Variants in PHF20 observed in about 807,000 individuals in gnomAD.
The protein encoded by PHF20 is PHD finger protein 20.
A neutral mutation model predicts 113.5 loss-of-function variants in PHF20; 23 were observed. The observed-to-expected ratio is 0.20, with a 90% CI of 0.15 to 0.29. The LOEUF is 0.29. PHF20 is among the 10% of genes least tolerant of loss of function. The pLI is 1.00. For missense variants in PHF20, 943 were observed against 1,219.6 expected, an observed-to-expected ratio of 0.77 and a Z score of 3.38; for synonymous variants, 434 against 457.3, an observed-to-expected ratio of 0.95 and a Z score of 0.65.
chr20:35,792,676 C>T (rs1004701084), intron 1 of PHF20, among the ~76,000 whole-genome samples: 4 of 152,066 alleles, frequency 2.6e-5, no homozygotes, highest in Admixed American at 6.6e-5. Context: ...ACTAAAGATA[C>T]GCTCTTTATG....
intron 1 of PHF20, among the ~76,000 whole-genome samples, chr20:35,778,186 C>G (rs1187454988): frequency 6.6e-6 from 1 of 152,064 alleles, no homozygotes; most frequent in African/African-American, 2.4e-5. Flanking sequence ...TGAATTCAAG[C>G]GATTCTTGTG....
chr20:35,846,148 T>A (rs576905132), intron 3 of PHF20, among the ~76,000 whole-genome samples: 1 of 152,268 alleles, frequency 6.6e-6, no homozygotes, highest in East Asian at 1.9e-4. Flanking sequence ...TATTCAGTAT[T>A]GTTCCATTTG....
At chr20:35,846,049 G>A (rs1346987283) in intron 3 of PHF20, among the ~76,000 whole-genome samples, 7 of 152,124 alleles carry the variant, frequency 4.6e-5, no homozygotes, top group Non-Finnish European at 7.4e-5. Flanking sequence ...ACAGGCACGA[G>A]CCACTGTGTC....
chr20:35,841,359 A>C (rs2042532718), intron 2 of PHF20, among the ~76,000 whole-genome samples: 1 of 152,112 alleles, frequency 6.6e-6, no homozygotes, highest in Non-Finnish European at 1.5e-5. Context: ...TCAATCAATC[A>C]ATCAAAATAA....
intron 11 of PHF20, 76 bp from the exon 12 acceptor site, chr20:35,913,957 G>C: frequency 1.4e-6 from 2 of 1,418,668 alleles, no homozygotes; most frequent in Non-Finnish European, 2.0e-6. Flanking sequence ...GAGGCTTGTT[G>C]GTTGGATGAG....
intron 13 of PHF20, among the ~76,000 whole-genome samples, chr20:35,922,754 G>T (rs1032759329): frequency 2.6e-5 from 4 of 152,026 alleles, no homozygotes; most frequent in Non-Finnish European, 5.9e-5. Context: ...AGGTTTTGAG[G>T]GCCATATGGC....
intron 2 of PHF20, among the ~76,000 whole-genome samples, chr20:35,807,662 T>G (rs1176086436): frequency 6.6e-6 from 1 of 152,136 alleles, no homozygotes; most frequent in East Asian, 1.9e-4. Context: ...CAGATCTTTA[T>G]ATATATATTT....
chr20:35,783,539 C>G (rs190686199), intron 1 of PHF20, among the ~76,000 whole-genome samples: 2 of 151,490 alleles, frequency 1.3e-5, no homozygotes, highest in East Asian at 3.9e-4. Flanking sequence ...GCCTCATCCT[C>G]GTGAGTAGTT....
At position 35,801,503 on chromosome 20, in the gene PHF20, A is replaced by C. The variant is rs755142665; in HGVS notation, c.-20A>C. Reference sequence around the variant, plus strand: ...TTGGCTTTTTCAGGAGAATAAAGGCAGCCCCGTTGATGACTGAAAATGACA... The same window carrying C: ...TTGGCTTTTTCAGGAGAATAAAGGCCGCCCCGTTGATGACTGAAAATGACA... On this transcript the variant is annotated 5_prime_UTR_variant, in exon 2 of 18. Coordinates refer to ENST00000374012, the MANE Select transcript of PHF20 (RefSeq NM_016436.5). 6.3e-7 allele frequency: 1 copy of C among 1,583,134 alleles called. No homozygotes were observed. The highest frequency in any genetic ancestry group is 8.7e-7 in the Non-Finnish European group (1 of 1,153,744).
At chr20:35,894,987 C>T (rs868796499) in intron 9 of PHF20, among the ~76,000 whole-genome samples, 51 of 152,172 alleles carry the variant, frequency 3.4e-4, no homozygotes, top group African/African-American at 1.2e-3. Flanking sequence ...CCTGAGTAAG[C>T]TGGATCTACA....
At chr20:35,798,290 G>A (rs1372596896) in intron 1 of PHF20, among the ~76,000 whole-genome samples, 1 of 151,988 alleles carries the variant, frequency 6.6e-6, no homozygotes, top group Non-Finnish European at 1.5e-5. Flanking sequence ...GCTTGCACCT[G>A]TAGTCCCAGG....
rs6060698 is a variant in PHF20 at position 35,935,618 on chromosome 20, C to T, written c.2301-3079C>T. Among the ~76,000 whole-genome samples, 24 of 152,310 alleles carry T rather than the reference C, an allele frequency of 1.6e-4. No individual in the cohort carries two copies. The South Asian group carries it at 2.5e-3, about 16-fold the overall frequency. On this transcript the variant is annotated intron_variant, in intron 15 of 17. Transcript: ENST00000374012. ...CTGGGCTCAAGTGCTTTGTCTGCCT[C>T]GGCCTCCTAAAGTGCTGGGATTACA...
chr20:35,917,783 C>T, intron 13 of PHF20, 121 bp downstream of exon 13: 3 of 788,576 alleles, frequency 3.8e-6, no homozygotes, highest in Non-Finnish European at 6.0e-6. Flanking sequence ...CGAACGGCAG[C>T]AGACTGAGCT....
At chr20:35,779,634 C>T (rs764430075) in intron 1 of PHF20, among the ~76,000 whole-genome samples, 2 of 151,940 alleles carry the variant, frequency 1.3e-5, no homozygotes, top group Admixed American at 6.6e-5. Context: ...ATTCTCCTGC[C>T]TCAGCCTCCT....
At chr20:35,839,802 A>G (rs150657216) in intron 2 of PHF20, among the ~76,000 whole-genome samples, 86 of 152,354 alleles carry the variant, frequency 5.6e-4, no homozygotes, top group African/African-American at 1.9e-3. Context: ...GAATACACAC[A>G]TGAAGTGATG....
At chr20:35,874,494 T>G (rs899303083) in intron 9 of PHF20, among the ~76,000 whole-genome samples, 1 of 152,124 alleles carries the variant, frequency 6.6e-6, no homozygotes, top group African/African-American at 2.4e-5. Flanking sequence ...CTTGACTTTT[T>G]TTTTTTAAAG....
At chr20:35,795,106 C>G (rs892487524) in intron 1 of PHF20, among the ~76,000 whole-genome samples, 9 of 151,062 alleles carry the variant, frequency 6.0e-5, no homozygotes, top group African/African-American at 2.2e-4. Flanking sequence ...GCAGGAGAAT[C>G]GCTTGAACCC....
intron 6 of PHF20, among the ~76,000 whole-genome samples, chr20:35,869,047 C>T (rs547518908): frequency 6.6e-5 from 10 of 151,826 alleles, no homozygotes; most frequent in African/African-American, 2.2e-4. Context: ...GCAGAGATCG[C>T]GGCACTGCAC....
intron 2 of PHF20, among the ~76,000 whole-genome samples, chr20:35,837,140 C>A (rs1287149801): frequency 2.6e-5 from 4 of 151,880 alleles, no homozygotes; most frequent in Non-Finnish European, 5.9e-5. Flanking sequence ...ACCACTGTAC[C>A]CCATCCTGGG....
Sources: gnomAD v4.1 joint callset for allele counts (sites outside exome capture counted in the v4.1 genomes callset) on GRCh38, gnomAD v4.1.1 for gene constraint, MANE v1.5 for transcripts, NCBI Gene and HGNC (gene_info 2026-07-23, HGNC 2026-07-21) for gene names.